TEX15: variants seen among roughly 807,000 people sequenced by gnomAD.
TEX15 encodes testis-expressed protein 15.
In TEX15, 171 loss-of-function variants were observed where a neutral mutation model predicts 237.3. The ratio of observed to expected loss-of-function variants is 0.72; its 90% CI spans 0.64 to 0.82. The LOEUF is 0.82. Among genes scored for constraint, TEX15 ranks in the 40% least tolerant of loss-of-function variants. The probability of loss-of-function intolerance (pLI) is 0.00; values close to 1 mark genes in which losing one functional copy is unlikely to be tolerated. For missense variants in TEX15, 3,750 were observed against 3,646.5 expected (o/e 1.03, Z -0.73); for synonymous variants, 1,338 against 1,269.8 (o/e 1.05, Z -1.14).
At chr8:30,905,799 G>C (rs1442126264) in intron 1 of TEX15, among the ~76,000 whole-genome samples, 1 of 151,448 alleles carries the variant, frequency 6.6e-6, no homozygotes, top group African/African-American at 2.4e-5. Context: ...AGCTGCTCGG[G>C]ATGCTGAGGT....
At chr8:30,872,341 C>A (rs78483865) in intron 4 of TEX15, among the ~76,000 whole-genome samples, 88 of 152,160 alleles carry the variant, frequency 5.8e-4, no homozygotes, top group African/African-American at 2.1e-3. Context: ...AGTGTCATAG[C>A]ATAATGCATC....
intron 1 of TEX15, among the ~76,000 whole-genome samples, chr8:30,900,793 AC>A (rs1486349448): frequency 6.6e-6 from 1 of 152,174 alleles, no homozygotes; most frequent in Admixed American, 6.5e-5. Flanking sequence ...AACCACACCA[AC>A]CACAGGTTTT....
chr8:30,882,447 C>T (rs527926132), intron 3 of TEX15, among the ~76,000 whole-genome samples: 20 of 152,232 alleles, frequency 1.3e-4, no homozygotes, highest in East Asian at 5.8e-4. Flanking sequence ...CCACCATGCC[C>T]GGCTATTTTT....
intron 1 of TEX15, among the ~76,000 whole-genome samples, chr8:30,906,264 G>A (rs545316130): frequency 1.3e-5 from 2 of 152,134 alleles, no homozygotes; most frequent in African/African-American, 4.8e-5. Flanking sequence ...ATTGACCTGG[G>A]AAGTCTTTGT....
intron 7 of TEX15, among the ~76,000 whole-genome samples, chr8:30,855,215 AT>A (rs1255005168): frequency 6.6e-6 from 1 of 152,186 alleles, no homozygotes; most frequent in Non-Finnish European, 1.5e-5. Flanking sequence ...ACTAAAAAAA[AT>A]CTATTAGAAT....
Position 30,848,752 on chromosome 8 carries a change from G to A in TEX15, c.1415C>T (p.Thr472Ile). 5 of 1,614,170 alleles carry A rather than the reference G, an allele frequency of 3.1e-6. No homozygotes were observed. The highest frequency in any genetic ancestry group is 1.3e-5 in the African/African-American group (1 of 75,044). The change falls in exon 8 of 11, where the codon ACA (threonine) becomes ATA (isoleucine). Residue 472 changes from threonine (T) to isoleucine (I), a missense_variant. Transcript: ENST00000643185. The part of the protein sequence containing the change: ...SDNVNSEIKS[T>I]PSNSASSSEV... The stretch of plus-strand genomic sequence containing the variant: ...TGAGGAGGAGGCAGAATTAGATGGT[G>A]TCGATTTTATTTCTGAATTAACATT...
chr8:30,856,423 G>A (rs767795705), intron 7 of TEX15, among the ~76,000 whole-genome samples: 15 of 152,004 alleles, frequency 9.9e-5, no homozygotes, highest in Non-Finnish European at 1.8e-4. Flanking sequence ...AGGTGTGGTG[G>A]TGCGCACCTG....
At chr8:30,911,456 C>CTTG (rs972132722) in intron 1 of TEX15, among the ~76,000 whole-genome samples, 44 of 152,250 alleles carry the variant, frequency 2.9e-4, no homozygotes, top group Admixed American at 2.9e-3. Context: ...CTCGCCAAAG[C>CTTG]TTGTATCACT....
At chr8:30,856,168 A>G (rs907978439) in intron 7 of TEX15, among the ~76,000 whole-genome samples, 2 of 151,060 alleles carry the variant, frequency 1.3e-5, no homozygotes, top group African/African-American at 4.9e-5. Flanking sequence ...CTGGTCTTGA[A>G]CTCCTGACCT....
intron 4 of TEX15, among the ~76,000 whole-genome samples, chr8:30,868,278 T>G (rs1160327190): frequency 6.6e-6 from 1 of 152,024 alleles, no homozygotes; most frequent in Non-Finnish European, 1.5e-5. Context: ...ATATAAAATA[T>G]ATATCCCTTC....
At chr8:30,870,413 G>A (rs1345142929) in intron 4 of TEX15, among the ~76,000 whole-genome samples, 1 of 151,802 alleles carries the variant, frequency 6.6e-6, no homozygotes, top group East Asian at 1.9e-4. Context: ...CATATAGTAG[G>A]TAATTTTTTG....
intron 1 of TEX15, among the ~76,000 whole-genome samples, 197 bp downstream of exon 1, chr8:30,912,682 G>A (rs1809257358): frequency 6.6e-6 from 1 of 152,192 alleles, no homozygotes; most frequent in South Asian, 2.1e-4. Context: ...TGGCCCCAGA[G>A]TCCCTGAATC....
chr8:30,837,636 G>C lies in TEX15; in HGVS notation c.8648C>G (p.Thr2883Ser). The change falls in exon 10 of 11, where the codon ACT becomes AGT. Residue 2883 changes from threonine (T) to serine (S), a missense_variant. Thr to Ser is a moderately conservative substitution (Grantham distance 58). Transcript: ENST00000643185. ...KSCLSDINPE[T>S]DVSLVPDASV... ...CGCATCAGGCACAAGAGAAACATCA[G>C]TTTCTGGGTTTATATCAGAAAGGCA... 1 of 1,614,102 alleles carries C rather than the reference G, an allele frequency of 6.2e-7. No individual in the cohort carries two copies. Among genetic ancestry groups the C allele is most frequent in the South Asian group, 1.1e-5 (1 of 91,066 alleles).
intron 7 of TEX15, among the ~76,000 whole-genome samples, chr8:30,852,005 C>T (rs1274189661): frequency 3.3e-5 from 5 of 151,470 alleles, no homozygotes; most frequent in Admixed American, 2.6e-4. Context: ...GTGACAAATG[C>T]ATTTTAACAT....
chr8:30,860,752 G>T (rs1294669501), intron 5 of TEX15, among the ~76,000 whole-genome samples: 1 of 151,850 alleles, frequency 6.6e-6, no homozygotes, highest in African/African-American at 2.4e-5. Flanking sequence ...GTTTTGCCAT[G>T]TTGGCCAGGC....
At chr8:30,856,402 CA>C (rs1319101433) in intron 7 of TEX15, among the ~76,000 whole-genome samples, 4 of 151,632 alleles carry the variant, frequency 2.6e-5, no homozygotes, top group Non-Finnish European at 5.9e-5. Flanking sequence ...AAAAAAAATA[CA>C]AAATTAGCCA....
At position 30,842,698 on chromosome 8, in the gene TEX15, T is replaced by C; in HGVS notation, c.7469A>G (p.Glu2490Gly). 6.2e-7 allele frequency: 1 copy of C among 1,613,280 alleles called. No individual in the cohort carries two copies. The highest frequency in any genetic ancestry group is 8.5e-7 in the Non-Finnish European group (1 of 1,179,830). Residue 2490 changes from glutamate (E) to glycine (G), a missense_variant, in exon 8 of 11, where the codon GAA becomes GGA. By Grantham distance (98) the Glu-to-Gly change is moderately conservative. Coordinates refer to ENST00000643185, the MANE Select transcript of TEX15 (RefSeq NM_001350162.2). ...AAGAAATGAAAAAGAAGCCATTTTT[T>C]CTTGGCACTGAACCAGCTCAGGAAG... ...SLLPELVQCQ[E>G]KMASFSFLKD...
chr8:30,897,840 T>C (rs1808934936), intron 2 of TEX15, among the ~76,000 whole-genome samples: 1 of 152,144 alleles, frequency 6.6e-6, no homozygotes, highest in Non-Finnish European at 1.5e-5. Flanking sequence ...TTTTATTTTA[T>C]TTTTTGAGAG....
intron 1 of TEX15, among the ~76,000 whole-genome samples, chr8:30,910,610 C>CTTTTT (rs796129316): frequency 3.1e-5 from 3 of 97,896 alleles, no homozygotes; most frequent in African/African-American, 4.7e-5. Context: ...CACGCCTGGC[C>CTTTTT]TTTTTTTTTT....
Sources: gnomAD v4.1 joint callset for allele counts (sites outside exome capture counted in the v4.1 genomes callset) on GRCh38, gnomAD v4.1.1 for gene constraint, MANE v1.5 for transcripts, NCBI Gene and HGNC (gene_info 2026-07-23, HGNC 2026-07-21) for gene names.